OCIAD1: variants seen among roughly 807,000 people sequenced by gnomAD.
The protein encoded by OCIAD1 is OCIA domain-containing protein 1.
A neutral mutation model predicts 38.9 loss-of-function variants in OCIAD1; 29 were observed. The ratio of observed to expected loss-of-function variants is 0.74; its 90% confidence interval spans 0.55 to 1.02. The LOEUF is 1.02. Ranked by LOEUF, OCIAD1 falls within the 50% of genes least tolerant of loss-of-function variation. OCIAD1 has a pLI of 0.00. For missense variants in OCIAD1, 288 were observed against 289.6 expected (o/e 0.99, Z 0.04); for synonymous variants, 110 against 92.0 (o/e 1.20, Z -1.12).
chr4:48,834,517 T>C (rs1399740905), intron 3 of OCIAD1, among the ~76,000 whole-genome samples: 2 of 152,144 alleles, frequency 1.3e-5, no homozygotes, highest in Non-Finnish European at 2.9e-5. Flanking sequence ...TGGCTATAAT[T>C]GCAGCACTTT....
At chr4:48,823,824 CTTTTT>C (rs71660459) in intron 1 of OCIAD1, among the ~76,000 whole-genome samples, 3 of 70,130 alleles carry the variant, frequency 4.3e-5, no homozygotes, top group African/African-American at 1.8e-4. Context: ...CAATGCCTGG[CTTTTT>C]TTTTTTTTTT....
At chr4:48,810,090 A>G (rs1243083365) in intron 1 of OCIAD1, among the ~76,000 whole-genome samples, 1 of 152,130 alleles carries the variant, frequency 6.6e-6, no homozygotes, top group East Asian at 1.9e-4. Context: ...CATTCTTAGA[A>G]CAGTGCCTGG....
At chr4:48,852,875 G>GTTTTTT (rs770694566) in intron 7 of OCIAD1, among the ~76,000 whole-genome samples, 2 of 69,140 alleles carry the variant, frequency 2.9e-5, no homozygotes, top group African/African-American at 1.4e-4. Flanking sequence ...GTTTTTTTTT[G>GTTTTTT]TTTTTTGTTT....
At chr4:48,838,925 A>G (rs1778269159) in intron 3 of OCIAD1, among the ~76,000 whole-genome samples, 1 of 152,162 alleles carries the variant, frequency 6.6e-6, no homozygotes. Context: ...TCGTGACCCT[A>G]TGCACTGACC....
chr4:48,830,553 C>T (rs551045520), upstream of OCIAD1: 1 of 152,158 alleles, frequency 6.6e-6, no homozygotes, highest in African/African-American at 2.4e-5. Flanking sequence ...TTCTAACAAC[C>T]CTATATGTAA....
chr4:48,806,264 CAATAAATA>C (rs559601312), intron 1 of OCIAD1, among the ~76,000 whole-genome samples: 3 of 151,946 alleles, frequency 2.0e-5, no homozygotes, highest in African/African-American at 7.2e-5. Context: ...CACTCTGTCT[CAATAAATA>C]AATAAATAAA....
chr4:48,836,081 G>T (rs1777953783), intron 3 of OCIAD1, among the ~76,000 whole-genome samples: 1 of 151,922 alleles, frequency 6.6e-6, no homozygotes, highest in Admixed American at 6.6e-5. Flanking sequence ...GATATGTAAG[G>T]TTTTTTTTAA....
upstream of OCIAD1, chr4:48,830,723 G>T (rs1252714770): frequency 1.3e-5 from 2 of 152,180 alleles, no homozygotes; most frequent in Non-Finnish European, 2.9e-5. Context: ...CAGGCTCAAA[G>T]AATGAAATTA....
At chr4:48,834,257 T>G (rs2109519249) in intron 3 of OCIAD1, among the ~76,000 whole-genome samples, 1 of 152,280 alleles carries the variant, frequency 6.6e-6, no homozygotes, top group Non-Finnish European at 1.5e-5. Flanking sequence ...CTGCAACTTC[T>G]GCCTCCTGGG....
chr4:48,812,641 G>T (rs1777101964), intron 1 of OCIAD1, among the ~76,000 whole-genome samples: 1 of 152,178 alleles, frequency 6.6e-6, no homozygotes, highest in African/African-American at 2.4e-5. Context: ...TAACACAAAG[G>T]TCATGGAGAC....
intron 1 of OCIAD1, among the ~76,000 whole-genome samples, chr4:48,815,040 G>A (rs1560407230): frequency 1.3e-5 from 2 of 152,230 alleles, no homozygotes; most frequent in Non-Finnish European, 2.9e-5. Flanking sequence ...GAGGCTGGGT[G>A]CAGTGGCTCA....
chr4:48,813,261 G>A (rs1251338816), intron 1 of OCIAD1, among the ~76,000 whole-genome samples: 1 of 152,218 alleles, frequency 6.6e-6, no homozygotes, highest in Non-Finnish European at 1.5e-5. Flanking sequence ...TTGATATGGT[G>A]TGGGGGTTCC....
chr4:48,822,774 C>A (rs1228224671), intron 1 of OCIAD1, among the ~76,000 whole-genome samples: 1 of 152,080 alleles, frequency 6.6e-6, no homozygotes. Context: ...ATGTGGCCAA[C>A]AAACATATAA....
Position 48,860,947 on chromosome 4 carries a change from T to C in OCIAD1, c.*185T>C. ...ACAGATTTTTAGTGTTAATATTGTG[T>C]AAATGTACTCACCTTAGGGATTCAT... On this transcript the variant is annotated 3_prime_UTR_variant, in exon 9 of 9. Coordinates refer to ENST00000264312, the MANE Select transcript of OCIAD1 (RefSeq NM_017830.4). 1.7e-6 allele frequency: 1 copy of C among 595,710 alleles called. No individual in the cohort carries two copies. Among genetic ancestry groups the C allele is most frequent in the Non-Finnish European group, 3.0e-6 (1 of 331,640 alleles). 36.9% of individuals were successfully genotyped at this position (595,710 alleles called of 1,614,324 possible). A position where few individuals can be genotyped will look rare whatever the true frequency, so the allele number is the denominator to read the frequency against.
Position 48,831,239 on chromosome 4 carries a change from G to C in OCIAD1, c.-16G>C. 2.9e-6 allele frequency: 1 copy of C among 342,520 alleles called. No homozygotes were observed. Among genetic ancestry groups the C allele is most frequent in the Non-Finnish European group, 5.8e-6 (1 of 171,604 alleles). 21.2% of individuals were successfully genotyped at this position (342,520 alleles called of 1,614,324 possible). A position where few individuals can be genotyped will look rare whatever the true frequency, so the allele number is the denominator to read the frequency against. On this transcript the variant is annotated 5_prime_UTR_variant, in exon 1 of 9. Transcript: ENST00000264312. ...GTTTTCCTTGCAGTCGCCTGCTGCT[G>C]TCGTCGGGAGGTGGGTGAGGTGACG...
chr4:48,812,181 G>A (rs1328415807), intron 1 of OCIAD1, among the ~76,000 whole-genome samples: 7 of 148,662 alleles, frequency 4.7e-5, no homozygotes, highest in East Asian at 2.1e-4. Flanking sequence ...TACTTGGGAG[G>A]CTGAGGCAGG....
intron 7 of OCIAD1, 30 bp downstream of exon 7, chr4:48,852,005 C>T (rs1779524856): frequency 4.5e-6 from 7 of 1,544,842 alleles, no homozygotes; most frequent in Non-Finnish European, 6.2e-6. Context: ...TGAATTTCAA[C>T]ATTTTATGGT....
chr4:48,824,702 A>G (rs531293771), intron 1 of OCIAD1, among the ~76,000 whole-genome samples: 2 of 152,308 alleles, frequency 1.3e-5, no homozygotes, highest in Middle Eastern at 6.8e-3. Flanking sequence ...TAACAGAAAT[A>G]TAATGAATGA....
intron 3 of OCIAD1, among the ~76,000 whole-genome samples, chr4:48,841,654 A>G (rs1778542461): frequency 1.3e-5 from 2 of 152,168 alleles, no homozygotes; most frequent in South Asian, 2.1e-4. Context: ...AATTACGCAT[A>G]TCAATGGGGG....
Sources: gnomAD v4.1 joint callset for allele counts (sites outside exome capture counted in the v4.1 genomes callset) on GRCh38, gnomAD v4.1.1 for gene constraint, MANE v1.5 for transcripts, NCBI Gene and HGNC (gene_info 2026-07-23, HGNC 2026-07-21) for gene names.